Variants in DLG2 observed in about 807,000 individuals in gnomAD.
The protein encoded by DLG2 is discs large MAGUK scaffold protein 2.
DLG2 carries 45 observed loss-of-function variants against 132.5 expected under a neutral mutation model. The ratio of observed to expected loss-of-function variants is 0.34; its 90% confidence interval spans 0.27 to 0.44. The LOEUF is 0.44. Ranked by LOEUF, DLG2 falls within the 20% of genes least tolerant of loss-of-function variation. DLG2 has a pLI of 1.00. For missense variants in DLG2, 1,045 were observed against 1,196.9 expected, an observed-to-expected ratio of 0.87 and a Z score of 1.87; for synonymous variants, 424 against 419.6, an observed-to-expected ratio of 1.01 and a Z score of -0.13.
intron 26 of DLG2, among the ~76,000 whole-genome samples, chr11:83,464,075 CATAATT>C (rs756534573): frequency 1.3e-4 from 20 of 152,064 alleles, no homozygotes; most frequent in Admixed American, 3.3e-4. Context: ...GCTAGATAAA[CATAATT>C]ATAAGATAGT....
intron 3 of DLG2, among the ~76,000 whole-genome samples, chr11:85,444,938 T>A (rs2091941531): frequency 2.0e-5 from 3 of 152,170 alleles, no homozygotes; most frequent in African/African-American, 7.2e-5. Context: ...TATAACTTTG[T>A]TTACAAGGTT....
At chr11:84,922,206 G>C (rs2092788262) in intron 6 of DLG2, among the ~76,000 whole-genome samples, 1 of 151,430 alleles carries the variant, frequency 6.6e-6, no homozygotes, top group African/African-American at 2.4e-5. Context: ...CCTATTTTAG[G>C]TTGTCTTAAC....
intron 6 of DLG2, among the ~76,000 whole-genome samples, chr11:84,977,727 A>C (rs1010649515): frequency 6.6e-6 from 1 of 152,120 alleles, no homozygotes; most frequent in African/African-American, 2.4e-5. Flanking sequence ...CTCATTTCCT[A>C]TATTTTCCTA....
intron 6 of DLG2, among the ~76,000 whole-genome samples, chr11:84,710,187 A>T (rs1324830683): frequency 1.3e-5 from 2 of 151,994 alleles, no homozygotes; most frequent in Non-Finnish European, 2.9e-5. Flanking sequence ...TCACCCAAAA[A>T]GGGTTAGTCC....
At chr11:85,537,550 G>A (rs114761621) in intron 3 of DLG2, among the ~76,000 whole-genome samples, 6 of 149,106 alleles carry the variant, frequency 4.0e-5, no homozygotes, top group Non-Finnish European at 5.9e-5. Context: ...ACTCCAGATG[G>A]GAGGAATGAA....
chr11:84,113,597 C>G (rs2093474847), intron 9 of DLG2, among the ~76,000 whole-genome samples: 1 of 152,010 alleles, frequency 6.6e-6, no homozygotes, highest in African/African-American at 2.4e-5. Flanking sequence ...CTGACTTAAA[C>G]TTTTTTTTCT....
intron 14 of DLG2, among the ~76,000 whole-genome samples, chr11:83,939,826 G>T (rs2082260240): frequency 6.6e-6 from 1 of 152,054 alleles, no homozygotes. Flanking sequence ...AACTCTACAG[G>T]GGGGAACACT....
chr11:84,682,836 T>C (rs2099734718), intron 6 of DLG2, among the ~76,000 whole-genome samples: 1 of 152,144 alleles, frequency 6.6e-6, no homozygotes. Flanking sequence ...CTCACACCCT[T>C]CTTCTTGTAG....
intron 6 of DLG2, among the ~76,000 whole-genome samples, chr11:84,581,919 A>G (rs1167867671): frequency 6.6e-6 from 1 of 151,466 alleles, no homozygotes; most frequent in Non-Finnish European, 1.5e-5. Flanking sequence ...AACCAAAAAA[A>G]AAAAAAAAAA....
chr11:84,825,387 T>G (rs1394360667), intron 6 of DLG2, among the ~76,000 whole-genome samples: 1 of 151,922 alleles, frequency 6.6e-6, no homozygotes, highest in Non-Finnish European at 1.5e-5. Flanking sequence ...CATGAGGACC[T>G]TGGAAATTTT....
At chr11:83,640,137 C>T (rs2066055583) in intron 18 of DLG2, among the ~76,000 whole-genome samples, 1 of 152,196 alleles carries the variant, frequency 6.6e-6, no homozygotes, top group African/African-American at 2.4e-5. Flanking sequence ...AAACAGGACT[C>T]TGCACATCCA....
At chr11:84,355,158 G>C (rs1434971878) in intron 7 of DLG2, among the ~76,000 whole-genome samples, 1 of 152,086 alleles carries the variant, frequency 6.6e-6, no homozygotes, top group African/African-American at 2.4e-5. Flanking sequence ...ACCTGTGAAT[G>C]CTTCTTAGAG....
intron 10 of DLG2, among the ~76,000 whole-genome samples, chr11:84,068,502 C>T (rs2096711038): frequency 6.6e-6 from 1 of 152,092 alleles, no homozygotes; most frequent in African/African-American, 2.4e-5. Flanking sequence ...AGTGTTCCTC[C>T]ATTAGGTACT....
intron 18 of DLG2, among the ~76,000 whole-genome samples, chr11:83,772,331 G>T (rs2094427962): frequency 6.6e-6 from 1 of 151,786 alleles, no homozygotes; most frequent in African/African-American, 2.4e-5. Context: ...GATCCCTTGA[G>T]CCTGGGAGGT....
chr11:85,172,813 T>C (rs1489310603), intron 4 of DLG2, among the ~76,000 whole-genome samples: 1 of 152,114 alleles, frequency 6.6e-6, no homozygotes, highest in Non-Finnish European at 1.5e-5. Flanking sequence ...AACACAAGAA[T>C]GTTACAATGC....
intron 6 of DLG2, among the ~76,000 whole-genome samples, chr11:84,826,070 G>C (rs1319380533): frequency 6.6e-6 from 1 of 151,606 alleles, no homozygotes; most frequent in Non-Finnish European, 1.5e-5. Context: ...TAATTTTTCT[G>C]GGTAGATAGT....
chr11:84,287,969 G>A (rs548124337), intron 7 of DLG2, among the ~76,000 whole-genome samples: 6 of 45,642 alleles, frequency 1.3e-4, no homozygotes, highest in African/African-American at 4.8e-4. Context: ...TAAAAAAATA[G>A]TATGGAAACG....
chr11:84,712,977 C>A (rs937028615), intron 6 of DLG2, among the ~76,000 whole-genome samples: 2 of 152,046 alleles, frequency 1.3e-5, no homozygotes, highest in South Asian at 4.1e-4. Flanking sequence ...GATTTAATAA[C>A]CTCATGCAGA....
At chr11:85,489,602 C>T (rs991388397) in intron 3 of DLG2, among the ~76,000 whole-genome samples, 1 of 152,182 alleles carries the variant, frequency 6.6e-6, no homozygotes, top group Non-Finnish European at 1.5e-5. Flanking sequence ...AATACACATT[C>T]TTTACATCAG....
Sources: allele counts gnomAD v4.1 joint callset (sites outside exome capture counted in the v4.1 genomes callset), GRCh38; gene constraint gnomAD v4.1.1; transcripts MANE v1.5; gene names NCBI Gene and HGNC (gene_info 2026-07-23, HGNC 2026-07-21).